TGS1: variants seen among roughly 807,000 people sequenced by gnomAD.
TGS1 encodes trimethylguanosine synthase.
In TGS1, 69 loss-of-function variants were observed where a neutral mutation model predicts 92.2. That is an observed-to-expected ratio of 0.75 (90% CI 0.62 to 0.91). The LOEUF (loss-of-function observed/expected upper bound fraction) is 0.91. Among genes scored for constraint, TGS1 ranks in the 40% least tolerant of loss-of-function variants. TGS1 has a pLI of 0.00. For missense variants in TGS1, 1,062 were observed against 1,001.2 expected (o/e 1.06, Z -0.82); for synonymous variants, 345 against 338.1 (o/e 1.02, Z -0.22).
rs373642519 is a variant in TGS1 at position 55,798,953 on chromosome 8, G to A, written c.1582G>A (p.Glu528Lys). Residue 528 changes from glutamate (E) to lysine (K), a missense_variant, in exon 8 of 13, where the codon GAA (glutamate) becomes AAA (lysine). Physicochemically the swap from Glu to Lys is moderately conservative, Grantham distance 56. Transcript: ENST00000260129. The part of the protein sequence containing the change: ...FLTWVNKPMD[E>K]EASQESSSHD... Reference sequence around the variant, plus strand: ...CACATGGGTTAATAAACCAATGGATGAAGAAGCATCACAGGAATCATCTTC... The same window carrying A: ...CACATGGGTTAATAAACCAATGGATAAAGAAGCATCACAGGAATCATCTTC... 1.2e-6 allele frequency: 2 copies of A among 1,612,502 alleles called. No individual in the cohort carries two copies. Among genetic ancestry groups the A allele is most frequent in the Non-Finnish European group, 1.7e-6 (2 of 1,179,616 alleles).
At chr8:55,782,927 C>G in intron 2 of TGS1, 115 bp downstream of exon 2, 1 of 665,268 alleles carries the variant, frequency 1.5e-6, no homozygotes, top group Non-Finnish European at 2.5e-6. Context: ...ATATAAATGC[C>G]AAATAATTCT....
At chr8:55,799,806 T>C (rs1372585872) in intron 8 of TGS1, among the ~76,000 whole-genome samples, 1 of 152,136 alleles carries the variant, frequency 6.6e-6, no homozygotes, top group Non-Finnish European at 1.5e-5. Flanking sequence ...TGCCAAAGGC[T>C]CAAGCAGTCC....
In TGS1 at chr8:55,785,823, G is replaced by A. The variant is rs1811692834; in HGVS notation, c.271G>A (p.Ala91Thr). 2.5e-6 allele frequency: 4 copies of A among 1,614,034 alleles called. No homozygotes were observed. The highest frequency in any genetic ancestry group is 3.4e-6 in the Non-Finnish European group (4 of 1,179,938). ...GLDESELDSE[A>T]ELMRSMGLPL... ...GGATGAAAGTGAACTTGATTCTGAGGCTGAACTCATGAGAAGTATGGGATT... is the reference window on the plus strand; with the variant it reads ...GGATGAAAGTGAACTTGATTCTGAGACTGAACTCATGAGAAGTATGGGATT... Residue 91 changes from alanine to threonine, a missense_variant, in exon 3 of 13, where the codon GCT becomes ACT. Transcript: ENST00000260129.
intron 1 of TGS1, among the ~76,000 whole-genome samples, chr8:55,777,647 C>G (rs1374496573): frequency 6.6e-6 from 1 of 151,854 alleles, no homozygotes; most frequent in Non-Finnish European, 1.5e-5. Context: ...TCAAGCAATT[C>G]TCGTGCCTCA....
In TGS1 at chr8:55,799,041, A is replaced by G. The variant is rs147156708; in HGVS notation, c.1670A>G (p.Lys557Arg). The G allele has an allele frequency of 1.4e-5, 23 of 1,614,096 alleles. No individual in the cohort carries two copies. In the African/African-American group the frequency reaches 2.9e-4, roughly 21 times the overall value. ...TCAGAGGAACAAGACATGTCTGTTA[A>G]AAAAGGTGATGACCTACTGGAGACT... is the stretch of plus-strand genomic sequence containing the variant. ...SDSEEQDMSV[K>R]KGDDLLETNN... is the part of the protein sequence containing the mutation. Residue 557 changes from lysine to arginine, a missense_variant, in exon 8 of 13, where the codon AAA becomes AGA. Coordinates refer to ENST00000260129, the MANE Select transcript of TGS1 (RefSeq NM_024831.8).
intron 1 of TGS1, among the ~76,000 whole-genome samples, chr8:55,780,210 C>T (rs1244814563): frequency 7.0e-6 from 1 of 143,564 alleles, no homozygotes; most frequent in Non-Finnish European, 1.5e-5. Flanking sequence ...CGCTCTGCTG[C>T]TGAGGCTGGA....
In TGS1 at chr8:55,773,584, G is replaced by A; in HGVS notation, c.-35G>A. The A allele has an allele frequency of 6.4e-7, 1 of 1,562,254 alleles. No individual in the cohort carries two copies. Among genetic ancestry groups the A allele is most frequent in the South Asian group, 1.1e-5 (1 of 87,756 alleles). On this transcript the variant is annotated 5_prime_UTR_variant, in exon 1 of 13. Transcript: ENST00000260129. The stretch of plus-strand genomic sequence containing the variant: ...CGGAGGCCCGGCAGGCGCGACCCGG[G>A]CTGCGTACGTCAGAGCTGCCTCCGA...
chr8:55,784,392 C>T (rs1172651279), intron 2 of TGS1, among the ~76,000 whole-genome samples: 1 of 152,140 alleles, frequency 6.6e-6, no homozygotes, highest in Non-Finnish European at 1.5e-5. Flanking sequence ...GGGTCTTGCT[C>T]TGTTGTCTGA....
At chr8:55,824,558 C>G in intron 12 of TGS1, 23 bp from the exon 13 acceptor site, 1 of 1,613,832 alleles carries the variant, frequency 6.2e-7, no homozygotes, top group Non-Finnish European at 8.5e-7. Context: ...GTGTGTGTGA[C>G]TTTCTTCTGT....
At position 55,799,165 on chromosome 8, in the gene TGS1, T is replaced by C; in HGVS notation, c.1794T>C (p.Asp598=). 6.2e-7 allele frequency: 1 copy of C among 1,614,190 alleles called. No individual in the cohort carries two copies. The highest frequency in any genetic ancestry group is 8.5e-7 in the Non-Finnish European group (1 of 1,180,032). Residue 598 remains aspartate (D), a synonymous_variant, in exon 8 of 13, where the codon GAT becomes GAC. Coordinates refer to ENST00000260129, the MANE Select transcript of TGS1 (RefSeq NM_024831.8). ...ERDSLLATVP[D]EQDCVTQEVP... is the part of the protein sequence containing the mutation. The stretch of plus-strand genomic sequence containing the variant: ...ACAGCTTGCTAGCAACTGTTCCAGA[T>C]GAGCAGGATTGTGTTACTCAAGAAG...
intron 2 of TGS1, among the ~76,000 whole-genome samples, chr8:55,783,217 G>A (rs1230133838): frequency 3.3e-5 from 5 of 152,156 alleles, no homozygotes; most frequent in African/African-American, 4.8e-5. Context: ...TCAGGAGTAC[G>A]AGACCAGCCT....
intron 10 of TGS1, among the ~76,000 whole-genome samples, chr8:55,807,219 C>T (rs1475947891): frequency 1.6e-4 from 25 of 152,032 alleles, no homozygotes; most frequent in Admixed American, 8.5e-4. Flanking sequence ...TGAGCCACCA[C>T]GCCCGGCCAT....
At chr8:55,789,448 A>C (rs772448562) in intron 4 of TGS1, among the ~76,000 whole-genome samples, 1 of 152,216 alleles carries the variant, frequency 6.6e-6, no homozygotes, top group Non-Finnish European at 1.5e-5. Flanking sequence ...AAATTCCATA[A>C]GAATGTGACT....
At chr8:55,814,888 C>T (rs1417032631) in intron 12 of TGS1, among the ~76,000 whole-genome samples, 6 of 150,780 alleles carry the variant, frequency 4.0e-5, no homozygotes, top group Admixed American at 3.3e-4. Flanking sequence ...CATGAGTTTT[C>T]TGAATTAAAG....
chr8:55,812,248 C>T (rs1029432785), intron 11 of TGS1, among the ~76,000 whole-genome samples: 5 of 151,952 alleles, frequency 3.3e-5, no homozygotes, highest in African/African-American at 1.2e-4. Flanking sequence ...GAGTGTACTC[C>T]GGGATATGCT....
chr8:55,821,610 A>G (rs1314777926), intron 12 of TGS1, among the ~76,000 whole-genome samples: 1 of 152,156 alleles, frequency 6.6e-6, no homozygotes, highest in African/African-American at 2.4e-5. Context: ...ACGGTGGTTC[A>G]CGCCTGTAAT....
At chr8:55,789,653 G>A (rs1225477078) in intron 4 of TGS1, among the ~76,000 whole-genome samples, 1 of 152,158 alleles carries the variant, frequency 6.6e-6, no homozygotes, top group Admixed American at 6.5e-5. Flanking sequence ...GAATCAGGCA[G>A]CCCCAAGAGC....
intron 1 of TGS1, 36 bp downstream of exon 1, chr8:55,773,755 C>A: frequency 6.6e-7 from 1 of 1,520,630 alleles, no homozygotes; most frequent in Non-Finnish European, 9.0e-7. Flanking sequence ...TGTTCTAGCA[C>A]AGTCATTACC....
At chr8:55,800,551 C>T (rs550704509) in intron 8 of TGS1, among the ~76,000 whole-genome samples, 1 of 152,168 alleles carries the variant, frequency 6.6e-6, no homozygotes, top group African/African-American at 2.4e-5. Context: ...GTAGTACCAC[C>T]TTCACAAGGG....
Sources: allele counts gnomAD v4.1 joint callset (sites outside exome capture counted in the v4.1 genomes callset), GRCh38; gene constraint gnomAD v4.1.1; transcripts MANE v1.5; gene names NCBI Gene and HGNC (gene_info 2026-07-23, HGNC 2026-07-21).